EFCAB7: variants seen among roughly 807,000 people sequenced by gnomAD.
EFCAB7 encodes EF-hand calcium-binding domain-containing protein 7.
EFCAB7 carries 66 observed loss-of-function variants against 77.1 expected under a neutral mutation model. The observed-to-expected ratio is 0.86, with a 90% CI of 0.70 to 1.05. EFCAB7 has a LOEUF of 1.05. Ranked by LOEUF, EFCAB7 falls within the 50% of genes least tolerant of loss-of-function variation. The pLI is 0.00. For synonymous variants in EFCAB7, 225 were observed against 243.3 expected (o/e 0.92, Z 0.70); for missense variants, 638 against 730.5 (o/e 0.87, Z 1.46).
rs12041368 is a variant in EFCAB7 at position 63,533,552 on chromosome 1, C to G, written c.585C>G (p.Asn195Lys). Reference protein sequence around the residue: ...DSKLMRHQFGNHIEGSPERDP... With the variant: ...DSKLMRHQFGKHIEGSPERDP... ...AATTGATGCGTCACCAGTTTGGAAACCACATCGAAGGGTCCCCTGAAAGGG... is the reference window on the plus strand; with the variant it reads ...AATTGATGCGTCACCAGTTTGGAAAGCACATCGAAGGGTCCCCTGAAAGGG... The change falls in exon 5 of 14, where the codon AAC becomes AAG. Residue 195 changes from asparagine to lysine, a missense_variant. Coordinates refer to ENST00000371088, the MANE Select transcript of EFCAB7 (RefSeq NM_032437.4). 1.2e-6 allele frequency: 2 copies of G among 1,613,228 alleles called. No homozygotes were observed. Among genetic ancestry groups the G allele is most frequent in the Non-Finnish European group, 1.7e-6 (2 of 1,179,546 alleles).
chr1:63,537,140 CATT>C (rs1336500576), intron 6 of EFCAB7, among the ~76,000 whole-genome samples: 1 of 152,174 alleles, frequency 6.6e-6, no homozygotes, highest in African/African-American at 2.4e-5. Flanking sequence ...TTAGTTACTG[CATT>C]ATTATTCTTT....
rs1215028881 is a variant in EFCAB7 at position 63,545,834 on chromosome 1, C to T, written c.805-82C>T. 2.1e-5 allele frequency: 23 copies of T among 1,120,404 alleles called. No individual in the cohort carries two copies. In the East Asian group the frequency reaches 5.7e-4, roughly 28 times the overall value. The allele number at this position is 1,120,404 out of a possible 1,614,324, so 69.4% of individuals were successfully genotyped here. A position where few individuals can be genotyped will look rare whatever the true frequency, so the allele number is the denominator to read the frequency against. On this transcript the variant is annotated intron_variant, in intron 6 of 13. Transcript: ENST00000371088. Reference sequence around the variant, plus strand: ...TTATATTTGACATTTCTTTTATATCCCCCTGTGTTTTCTCCTCATTACTAT... The same window carrying T: ...TTATATTTGACATTTCTTTTATATCTCCCTGTGTTTTCTCCTCATTACTAT...
chr1:63,571,312 G>C (rs1479878807), intron 13 of EFCAB7, among the ~76,000 whole-genome samples, 184 bp downstream of exon 13: 1 of 152,152 alleles, frequency 6.6e-6, no homozygotes, highest in Non-Finnish European at 1.5e-5. Flanking sequence ...TTCTGTCACT[G>C]TTTGGTTGAG....
intron 7 of EFCAB7, chr1:63,550,433 AT>A (rs1646951286): frequency 6.6e-6 from 1 of 152,146 alleles, no homozygotes; most frequent in African/African-American, 2.4e-5. Flanking sequence ...CAAAAATACC[AT>A]TTTAGTATGA....
At chr1:63,557,667 A>T (rs1647047986) in intron 10 of EFCAB7, among the ~76,000 whole-genome samples, 1 of 152,214 alleles carries the variant, frequency 6.6e-6, no homozygotes, top group African/African-American at 2.4e-5. Context: ...CATGTTAAAC[A>T]TTCTTCAGTG....
At chr1:63,540,800 ATGAC>A (rs1283022893) in intron 6 of EFCAB7, among the ~76,000 whole-genome samples, 1 of 152,196 alleles carries the variant, frequency 6.6e-6, no homozygotes, top group African/African-American at 2.4e-5. Flanking sequence ...CAGGTGATTA[ATGAC>A]TGACTGAAAG....
At chr1:63,583,694 A>G in the EFCAB7 span, among the ~76,000 whole-genome samples, 1 of 152,190 alleles carries the variant, frequency 6.6e-6, no homozygotes, top group Non-Finnish European at 1.5e-5. Flanking sequence ...TGAAGCCGAG[A>G]TGGCCTTTTA....
Position 63,563,818 on chromosome 1 carries a change from C to T in EFCAB7, c.1497+1961C>T, listed in dbSNP as rs141351880. ...TTAGGCTGTAGAATTACTGATTACA[C>T]ATTCCCTGTATCAGCCTATGAAGAT... is the stretch of plus-strand genomic sequence containing the variant. On this transcript the variant is annotated intron_variant, in intron 11 of 13. Coordinates refer to ENST00000371088, the MANE Select transcript of EFCAB7 (RefSeq NM_032437.4). Among the ~76,000 whole-genome samples, 18 of 152,208 alleles carry T rather than the reference C, an allele frequency of 1.2e-4. No homozygotes were observed. In the East Asian group the frequency reaches 3.1e-3, roughly 26 times the overall value.
At chr1:63,543,183 G>T (rs1439992713) in intron 6 of EFCAB7, among the ~76,000 whole-genome samples, 1 of 152,116 alleles carries the variant, frequency 6.6e-6, no homozygotes, top group Non-Finnish European at 1.5e-5. Context: ...AGCCTCATTT[G>T]TTGAAAAGAC....
chr1:63,568,165 C>G, intron 11 of EFCAB7, 145 bp from the exon 12 acceptor site: 1 of 588,652 alleles, frequency 1.7e-6, no homozygotes, highest in Non-Finnish European at 2.8e-6. Context: ...GCTTATTACT[C>G]AATTCATAGT....
the EFCAB7 span, among the ~76,000 whole-genome samples, chr1:63,585,131 A>C: frequency 6.6e-6 from 1 of 151,582 alleles, no homozygotes; most frequent in African/African-American, 2.4e-5. Flanking sequence ...TCTAGGCATG[A>C]AGATTTATTT....
At chr1:63,552,414 T>C (rs752462875) in intron 8 of EFCAB7, among the ~76,000 whole-genome samples, 1 of 152,164 alleles carries the variant, frequency 6.6e-6, no homozygotes, top group South Asian at 2.1e-4. Context: ...TTTCCCTAAA[T>C]GCAAGCAATT....
In EFCAB7 at chr1:63,535,832, C is replaced by T. The variant is rs183962850; in HGVS notation, c.804+1616C>T. On this transcript the variant is annotated intron_variant, in intron 6 of 13. Transcript: ENST00000371088. ...AAATAACTGGATGCTTGTATGGGAA[C>T]GACATGATGAAAGTATAGTTTAAGA... 7.9e-5 allele frequency among the ~76,000 whole-genome samples: 12 copies of T among 151,816 alleles called. No individual in the cohort carries two copies. In the East Asian group the frequency reaches 2.1e-3, roughly 27 times the overall value.
chr1:63,524,231 CCTTA>C (rs1427834651), intron 1 of EFCAB7, among the ~76,000 whole-genome samples: 4 of 152,040 alleles, frequency 2.6e-5, no homozygotes, highest in South Asian at 2.1e-4. Context: ...ATTCATTCTC[CCTTA>C]CTTCTTGAAA....
intron 8 of EFCAB7, among the ~76,000 whole-genome samples, chr1:63,553,234 A>G (rs1433932864): frequency 2.0e-5 from 3 of 152,210 alleles, no homozygotes; most frequent in Non-Finnish European, 4.4e-5. Flanking sequence ...GGGATAATAT[A>G]TATTAGGAAG....
chr1:63,542,051 T>A (rs1301822790), intron 6 of EFCAB7, among the ~76,000 whole-genome samples: 1 of 152,100 alleles, frequency 6.6e-6, no homozygotes, highest in African/African-American at 2.4e-5. Context: ...ACCATACATC[T>A]CCAGGACTTT....
intron 8 of EFCAB7, among the ~76,000 whole-genome samples, chr1:63,553,642 T>A (rs1250113575): frequency 6.6e-6 from 1 of 152,142 alleles, no homozygotes; most frequent in Admixed American, 6.5e-5. Flanking sequence ...TGGCCAACAT[T>A]TAGTCTTAAA....
chr1:63,566,690 A>G (rs1243264693), intron 11 of EFCAB7, among the ~76,000 whole-genome samples: 4 of 151,868 alleles, frequency 2.6e-5, no homozygotes, highest in Non-Finnish European at 5.9e-5. Context: ...TGCCATACTC[A>G]TAATTATTAT....
chr1:63,568,290 A>G lies in EFCAB7; in HGVS notation c.1498-20A>G. On this transcript the variant is annotated intron_variant, in intron 11 of 13. Transcript: ENST00000371088. ...AAAATTCTATCAAAAGGCTGAAACA[A>G]GATTTTTTTTTCCTATCAGGCATGT... The G allele has an allele frequency of 6.4e-7, 1 of 1,571,610 alleles. No individual in the cohort carries two copies. Among genetic ancestry groups the G allele is most frequent in the Non-Finnish European group, 8.6e-7 (1 of 1,158,460 alleles).
Sources: allele counts gnomAD v4.1 joint callset (sites outside exome capture counted in the v4.1 genomes callset), GRCh38; gene constraint gnomAD v4.1.1; transcripts MANE v1.5; gene names NCBI Gene and HGNC (gene_info 2026-07-23, HGNC 2026-07-21).